The following CCSER1 variants were observed in gnomAD, a reference collection of about 807,000 sequenced individuals.
CCSER1 encodes coiled-coil serine rich protein 1, also known as serine-rich coiled-coil domain-containing protein 1.
CCSER1 carries 41 observed loss-of-function variants against 82.0 expected under a neutral mutation model. The ratio of observed to expected loss-of-function variants is 0.50; its 90% confidence interval spans 0.39 to 0.65. The LOEUF is 0.65. CCSER1 is among the 30% of genes least tolerant of loss of function. The pLI, the probability that CCSER1 is intolerant of heterozygous loss-of-function variation, is 0.00. For missense variants in CCSER1, 1,119 were observed against 1,064.2 expected (o/e 1.05, Z -0.72); for synonymous variants, 414 against 383.9 (o/e 1.08, Z -0.92).
intron 10 of CCSER1, among the ~76,000 whole-genome samples, chr4:91,140,908 C>A (rs1728962095): frequency 6.6e-6 from 1 of 152,048 alleles, no homozygotes; most frequent in Non-Finnish European, 1.5e-5. Flanking sequence ...GGACCTGTCA[C>A]CCAAGTAGTG....
chr4:90,544,379 A>G (rs1049647903), intron 5 of CCSER1, among the ~76,000 whole-genome samples: 2 of 152,156 alleles, frequency 1.3e-5, no homozygotes, highest in African/African-American at 4.8e-5. Context: ...TCAAAAGAAT[A>G]CAGATTAAAA....
intron 5 of CCSER1, among the ~76,000 whole-genome samples, chr4:90,518,568 G>C (rs1321774593): frequency 6.6e-6 from 1 of 151,920 alleles, no homozygotes; most frequent in Admixed American, 6.6e-5. Context: ...CATATACTTA[G>C]GAGGGTGAAG....
rs560325521 is a variant in CCSER1 at position 91,110,775 on chromosome 4, A to C, written c.2217+24781A>C. On this transcript the variant is annotated intron_variant, in intron 10 of 10. Coordinates refer to ENST00000509176, the MANE Select transcript of CCSER1 (RefSeq NM_001145065.2). The stretch of plus-strand genomic sequence containing the variant: ...TGAGTTGAATGTTGTTTCTTCTTTA[A>C]GATCATTAAGAGTTGGGTTTACAGC... Among the ~76,000 whole-genome samples the C allele has an allele frequency of 3.3e-5, 5 of 152,050 alleles. No homozygotes were observed. The South Asian group carries it at 1.0e-3, about 32-fold the overall frequency.
intron 9 of CCSER1, among the ~76,000 whole-genome samples, chr4:91,005,002 G>A (rs556670660): frequency 2.4e-4 from 37 of 152,254 alleles, no homozygotes; most frequent in Non-Finnish European, 4.3e-4. Context: ...CTTTGAGAGA[G>A]AAGTATAAAA....
chr4:91,284,843 CAT>C (rs943873109), intron 10 of CCSER1, among the ~76,000 whole-genome samples: 25 of 151,992 alleles, frequency 1.6e-4, no homozygotes, highest in African/African-American at 5.8e-4. Context: ...CAGAAAAAAA[CAT>C]ATGAGTTGAT....
At chr4:90,392,463 C>T (rs1218562954) in intron 3 of CCSER1, among the ~76,000 whole-genome samples, 1 of 151,574 alleles carries the variant, frequency 6.6e-6, no homozygotes, top group Non-Finnish European at 1.5e-5. Context: ...TGTAATTTAC[C>T]TTTTCTCAGC....
At chr4:91,368,781 C>T (rs1414087081) in intron 10 of CCSER1, among the ~76,000 whole-genome samples, 1 of 152,134 alleles carries the variant, frequency 6.6e-6, no homozygotes. Flanking sequence ...CTCTGCATTA[C>T]TATAAAGTTT....
intron 10 of CCSER1, among the ~76,000 whole-genome samples, chr4:91,387,132 CTG>C (rs879670347): frequency 2.2e-4 from 33 of 152,006 alleles, no homozygotes; most frequent in African/African-American, 6.5e-4. Flanking sequence ...GATAATGAAA[CTG>C]TGATTCTGCA....
chr4:90,202,851 A>G (rs1738030784), intron 1 of CCSER1, among the ~76,000 whole-genome samples: 1 of 152,192 alleles, frequency 6.6e-6, no homozygotes, highest in South Asian at 2.1e-4. Context: ...ACAGCTGCTT[A>G]TGTGATTTCT....
intron 9 of CCSER1, among the ~76,000 whole-genome samples, chr4:91,031,320 G>C (rs1740962538): frequency 1.3e-5 from 2 of 152,086 alleles, no homozygotes; most frequent in South Asian, 4.1e-4. Context: ...TACTCCCTTT[G>C]TCCTACATGG....
At chr4:91,589,897 CAT>C (rs56755279) in intron 10 of CCSER1, among the ~76,000 whole-genome samples, 14,993 of 150,382 alleles carry the variant, frequency 0.1, 753 homozygotes, top group Middle Eastern at 0.16. Context: ...GGTGATCACA[CAT>C]ATACACACAC....
chr4:91,196,616 G>T (rs1340979033), intron 10 of CCSER1, among the ~76,000 whole-genome samples: 5 of 152,144 alleles, frequency 3.3e-5, no homozygotes, highest in Non-Finnish European at 7.4e-5. Context: ...ATTACTACAA[G>T]AAACAGATGT....
intron 1 of CCSER1, among the ~76,000 whole-genome samples, chr4:90,178,230 T>C (rs1415158938): frequency 1.3e-5 from 2 of 152,106 alleles, no homozygotes; most frequent in Non-Finnish European, 2.9e-5. Flanking sequence ...ATAAACAAAG[T>C]ATTCCTAGGA....
rs1730300546 is a variant in CCSER1 at position 90,933,004 on chromosome 4, GAAAGAAAGAAAGAAAGAAAGAA to G, written c.2172+9559_2172+9580del. Among the ~76,000 whole-genome samples, 11 of 69,954 alleles carry G rather than the reference GAAAGAAAGAAAGAAAGAAAGAA, an allele frequency of 1.6e-4. 4 individuals carry two copies. Among genetic ancestry groups the G allele is most frequent in the African/African-American group, 1.2e-3 (11 of 9,546 alleles). The allele number at this position is 69,954 out of a possible 152,430, so 45.9% of individuals were successfully genotyped here. A position where few individuals can be genotyped will look rare whatever the true frequency, so the allele number is the denominator to read the frequency against. ...AAAGAGAAAGAAAGAAAGAAAGAAAGAAAGAAAGAAAGAAAGAAAGAAAGAAAGAAAGAAAGAAAGAGAAGGA... is the reference window on the plus strand; with the variant it reads ...AAAGAGAAAGAAAGAAAGAAAGAAAGAGAAAGAAAGAAAGAAAGAGAAGGA... On this transcript the variant is annotated intron_variant, in intron 9 of 10. Transcript: ENST00000509176.
intron 10 of CCSER1, among the ~76,000 whole-genome samples, chr4:91,423,999 A>ATTTTT (rs1753824328): frequency 1.1e-5 from 1 of 89,632 alleles, no homozygotes; most frequent in Non-Finnish European, 2.2e-5. Flanking sequence ...AACTCAGCAG[A>ATTTTT]TCTTTTTTTT....
intron 10 of CCSER1, among the ~76,000 whole-genome samples, chr4:91,158,831 T>G (rs1731088294): frequency 6.6e-6 from 1 of 151,926 alleles, no homozygotes; most frequent in Non-Finnish European, 1.5e-5. Flanking sequence ...CAAATACCAT[T>G]GAAACAATGA....
chr4:90,812,992 C>G (rs1404531214), intron 7 of CCSER1, among the ~76,000 whole-genome samples: 1 of 152,098 alleles, frequency 6.6e-6, no homozygotes, highest in African/African-American at 2.4e-5. Context: ...TGTCCCTGGC[C>G]CCTCCCAAAT....
chr4:90,665,169 T>G (rs1005605233), intron 6 of CCSER1, among the ~76,000 whole-genome samples: 6 of 152,134 alleles, frequency 3.9e-5, no homozygotes, highest in Admixed American at 3.3e-4. Context: ...ATATCTATAG[T>G]AGGGGTCCTT....
chr4:90,298,822 A>G (rs1732517553), intron 1 of CCSER1, among the ~76,000 whole-genome samples: 1 of 152,138 alleles, frequency 6.6e-6, no homozygotes, highest in African/African-American at 2.4e-5. Flanking sequence ...AATTCTTAAC[A>G]GTTATGCATT....
Sources: allele counts gnomAD v4.1 joint callset (sites outside exome capture counted in the v4.1 genomes callset), GRCh38; gene constraint gnomAD v4.1.1; transcripts MANE v1.5; gene names NCBI Gene and HGNC (gene_info 2026-07-23, HGNC 2026-07-21).